RBM15: variants seen among roughly 807,000 people sequenced by gnomAD.
RBM15 encodes the protein RNA-binding protein 15.
A neutral mutation model predicts 62.6 loss-of-function variants in RBM15; 8 were observed. The ratio of observed to expected loss-of-function variants is 0.13; its 90% confidence interval spans 0.07 to 0.23. RBM15 has a LOEUF of 0.23. Among genes scored for constraint, RBM15 ranks in the 10% least tolerant of loss-of-function variants. RBM15 has a pLI of 1.00. For synonymous variants in RBM15, 606 were observed against 505.7 expected (o/e 1.20, Z -2.66); for missense variants, 1,144 against 1,286.5 (o/e 0.89, Z 1.69).
At chr1:110,346,286 T>C in intron 2 of RBM15, 22 bp from the exon 3 acceptor site, 8 of 1,582,084 alleles carry the variant, frequency 5.1e-6, no homozygotes, top group Admixed American at 1.7e-5. Flanking sequence ...CTGAATAACC[T>C]TTTTTTCCCC....
chr1:110,339,769 C>T lies in RBM15; in HGVS notation c.364C>T (p.Arg122Cys), dbSNP rs1418439605. The stretch of plus-strand genomic sequence containing the variant: ...TACCGGTGGGGGCAGCTCCAGTAGC[C>T]GCTTGCATAGTTATAGCTCCCCGAG... Reference protein sequence around the residue: ...YDTGGGSSSSRLHSYSSPSTK... With the variant: ...YDTGGGSSSSCLHSYSSPSTK... The change falls in exon 1 of 3, where the codon CGC (arginine) becomes TGC (cysteine). Residue 122 changes from arginine to cysteine, a missense_variant. Around this residue, in one of 8 missense-constraint regions of RBM15, gnomAD observed 298 missense variants for 250.0 expected, o/e 1.19. Transcript: ENST00000369784. The T allele has an allele frequency of 1.2e-6, 2 of 1,610,048 alleles. No individual in the cohort carries two copies. The highest frequency in any genetic ancestry group is 1.1e-5 in the South Asian group (1 of 90,988).
Position 110,342,117 on chromosome 1 carries a change from C to A in RBM15, c.2712C>A (p.Ile904=), listed in dbSNP as rs200033561. 1 of 1,614,146 alleles carries A rather than the reference C, an allele frequency of 6.2e-7. No individual in the cohort carries two copies. The highest frequency in any genetic ancestry group is 2.2e-5 in the East Asian group (1 of 44,886). ...YLKQKQAAGV[I]SLPVGGNKDK... Reference sequence around the variant, plus strand: ...AGCAAAAGCAGGCAGCCGGGGTGATCAGCCTCCCTGTGGGGGGCAACAAAG... The same window carrying A: ...AGCAAAAGCAGGCAGCCGGGGTGATAAGCCTCCCTGTGGGGGGCAACAAAG... The change falls in exon 1 of 3, where the codon ATC becomes ATA. Residue 904 remains isoleucine (I), a synonymous_variant. Coordinates refer to ENST00000369784, the MANE Select transcript of RBM15 (RefSeq NM_022768.5).
chr1:110,340,450 G>C lies in RBM15; in HGVS notation c.1045G>C (p.Val349Leu). 1.2e-6 allele frequency: 2 copies of C among 1,614,224 alleles called. No individual in the cohort carries two copies. Among genetic ancestry groups the C allele is most frequent in the Non-Finnish European group, 1.7e-6 (2 of 1,180,046 alleles). Residue 349 changes from valine to leucine, a missense_variant, in exon 1 of 3, where the codon GTG (valine) becomes CTG (leucine). This residue lies in a region of RBM15 where 33 missense variants were observed against 39.6 expected (regional missense o/e 0.83). Transcript: ENST00000369784. The surrounding 1 kb of genome is among the most constrained non-coding windows in gnomAD (Gnocchi z 5.8). ...VRPAYSLEPR[V>L]GAGAGAAPFR... ...CCCTGCATACAGTCTTGAGCCAAGG[G>C]TGGGAGCTGGAGCAGGTGCTGCTCC...
In RBM15 at chr1:110,339,510, C is replaced by T. The variant is rs766526951; in HGVS notation, c.105C>T (p.Arg35=). 3.8e-6 allele frequency: 6 copies of T among 1,597,932 alleles called. 1 individual carries two copies. The South Asian group carries it at 5.6e-5, about 15-fold the overall frequency. The part of the protein sequence containing the change: ...TSAGRRVTQL[R]GDDLRRPATM... Reference sequence around the variant, plus strand: ...CGGGGCGGCGGGTTACTCAGCTCCGCGGAGACGACCTCCGACGACCCGCAA... The same window carrying T: ...CGGGGCGGCGGGTTACTCAGCTCCGTGGAGACGACCTCCGACGACCCGCAA... Residue 35 remains arginine, a synonymous_variant, in exon 1 of 3, where the codon CGC becomes CGT. Transcript: ENST00000369784.
rs746885307 is a variant in RBM15, at chr1:110,339,521, T to C, written c.116T>C (p.Leu39Pro). The C allele has an allele frequency of 1.0e-5, 16 of 1,600,238 alleles. No individual in the cohort carries two copies. Among genetic ancestry groups the C allele is most frequent in the Middle Eastern group, 1.7e-4 (1 of 6,046 alleles). Residue 39 changes from leucine to proline, a missense_variant, in exon 1 of 3, where the codon CTC becomes CCC. By Grantham distance (98) the Leu-to-Pro change is moderately conservative (BLOSUM62 -3). This residue lies in a region of RBM15 where 298 missense variants were observed against 250.0 expected (regional missense o/e 1.19). Coordinates refer to ENST00000369784, the MANE Select transcript of RBM15 (RefSeq NM_022768.5). ...RRVTQLRGDD[L>P]RRPATMKGKE... ...GTTACTCAGCTCCGCGGAGACGACC[T>C]CCGACGACCCGCAACAATGAAGGGA...
At position 110,346,449 on chromosome 1, in the gene RBM15, A is replaced by G; in HGVS notation, c.*182A>G. 8.1e-7 allele frequency: 1 copy of G among 1,230,620 alleles called. No individual in the cohort carries two copies. The highest frequency in any genetic ancestry group is 2.3e-5 in the East Asian group (1 of 43,072). The allele number at this position is 1,230,620 out of a possible 1,614,324, so 76.2% of individuals were successfully genotyped here. On this transcript the variant is annotated 3_prime_UTR_variant, in exon 3 of 3. Transcript: ENST00000369784. ...CTGTTTAGTATTTGTGCATTTTACTAAAATGGCAGCTTAAAGTTGTGTATC... is the reference window on the plus strand; with the variant it reads ...CTGTTTAGTATTTGTGCATTTTACTGAAATGGCAGCTTAAAGTTGTGTATC...
At position 110,341,641 on chromosome 1, in the gene RBM15, G is replaced by A; in HGVS notation, c.2236G>A (p.Glu746Lys). The A allele has an allele frequency of 1.9e-6, 3 of 1,614,148 alleles. No individual in the cohort carries two copies. Among genetic ancestry groups the A allele is most frequent in the Non-Finnish European group, 2.5e-6 (3 of 1,180,024 alleles). ...TGAGGGAAAAAGCCCTCTGAAAAAA[G>A]AAGACCGCTCTGATGGGAGTGCACC... ...PTEGKSPLKK[E>K]DRSDGSAPST... is the part of the protein sequence containing the mutation. Residue 746 changes from glutamate (E) to lysine (K), a missense_variant, in exon 1 of 3, where the codon GAA becomes AAA. Glu to Lys is a moderately conservative substitution (Grantham distance 56). Transcript: ENST00000369784. The surrounding 1 kb of genome is among the most constrained non-coding windows in gnomAD (Gnocchi z 4.5).
Position 110,339,673 on chromosome 1 carries a change from A to T in RBM15, c.268A>T (p.Ser90Cys). ...SNGSSSGKTD[S>C]GGGSRRSLHL... ...TGGGAGCAGCAGCGGAAAGACCGAT[A>T]GCGGCGGTGGGTCGCGGCGGAGTCT... The change falls in exon 1 of 3, where the codon AGC (serine) becomes TGC (cysteine). Residue 90 changes from serine to cysteine, a missense_variant. Physicochemically the swap from Ser to Cys is moderately radical, Grantham distance 112. Transcript: ENST00000369784. The T allele has an allele frequency of 1.2e-6, 2 of 1,613,110 alleles. No individual in the cohort carries two copies. Among genetic ancestry groups the T allele is most frequent in the African/African-American group, 1.3e-5 (1 of 75,042 alleles).
intron 2 of RBM15, 42 bp downstream of exon 2, chr1:110,345,691 T>C (rs536529933): frequency 8.1e-7 from 1 of 1,237,966 alleles, no homozygotes; most frequent in South Asian, 1.4e-5. Flanking sequence ...GAGTTTTATA[T>C]GTATGGTTTA....
At chr1:110,344,832 G>A (rs1177912641) in intron 1 of RBM15, among the ~76,000 whole-genome samples, 1 of 151,986 alleles carries the variant, frequency 6.6e-6, no homozygotes, top group Non-Finnish European at 1.5e-5. Flanking sequence ...TTATTTTAAT[G>A]TAGTTGATTT....
chr1:110,344,862 T>C (rs1015300288), intron 1 of RBM15, among the ~76,000 whole-genome samples: 2 of 152,192 alleles, frequency 1.3e-5, no homozygotes, highest in African/African-American at 4.8e-5. Flanking sequence ...TCAGTTAAAA[T>C]GAATGGAAAG....
chr1:110,340,248 G>T lies in RBM15; in HGVS notation c.843G>T (p.Arg281=). The stretch of plus-strand genomic sequence containing the variant: ...TCGGGGCCTCTGTAGGTGGTCACCG[G>T]CACCCCCCTGGAGGTGGTGGAGGCC... The part of the protein sequence containing the change: ...SVVGASVGGH[R]HPPGGGGGQR... Residue 281 remains arginine, a synonymous_variant, in exon 1 of 3, where the codon CGG becomes CGT. Coordinates refer to ENST00000369784, the MANE Select transcript of RBM15 (RefSeq NM_022768.5). This position sits in a 1 kb window ranked among gnomAD's most constrained non-coding sequence, Gnocchi z 5.8. 6.2e-7 allele frequency: 1 copy of T among 1,614,206 alleles called. No homozygotes were observed. The highest frequency in any genetic ancestry group is 8.5e-7 in the Non-Finnish European group (1 of 1,180,042).
At position 110,342,171 on chromosome 1, in the gene RBM15, C is replaced by T. The variant is rs776722641; in HGVS notation, c.2766C>T (p.Ala922=). ...AGGAAAACACCGGGGTCCTTCATGCCTTCCCACCTTGTGAGTTCTCCCAGC... is the reference window on the plus strand; with the variant it reads ...AGGAAAACACCGGGGTCCTTCATGCTTTCCCACCTTGTGAGTTCTCCCAGC... The part of the protein sequence containing the change: ...KDKENTGVLH[A]FPPCEFSQQF... Residue 922 remains alanine, a synonymous_variant, in exon 1 of 3, where the codon GCC becomes GCT. Transcript: ENST00000369784. 20 of 1,614,002 alleles carry T rather than the reference C, an allele frequency of 1.2e-5. No individual in the cohort carries two copies. Among genetic ancestry groups the T allele is most frequent in the East Asian group, 6.7e-5 (3 of 44,898 alleles).
chr1:110,344,291 T>C (rs1331598895), intron 1 of RBM15, among the ~76,000 whole-genome samples: 2 of 152,218 alleles, frequency 1.3e-5, no homozygotes, highest in African/African-American at 4.8e-5. Flanking sequence ...ATATCTTTTG[T>C]TGAGATAGTT....
At chr1:110,345,061 A>C (rs897576812) in intron 1 of RBM15, among the ~76,000 whole-genome samples, 3 of 152,156 alleles carry the variant, frequency 2.0e-5, no homozygotes, top group African/African-American at 7.2e-5. Flanking sequence ...CAAAGTTTTA[A>C]ATTTCTGGTG....
In RBM15 at chr1:110,340,643, C is replaced by T; in HGVS notation, c.1238C>T (p.Thr413Ile). 6.2e-7 allele frequency: 1 copy of T among 1,614,226 alleles called. No individual in the cohort carries two copies. Among genetic ancestry groups the T allele is most frequent in the Non-Finnish European group, 8.5e-7 (1 of 1,180,026 alleles). The change falls in exon 1 of 3, where the codon ACT becomes ATT. Residue 413 changes from threonine to isoleucine, a missense_variant. Physicochemically the swap from Thr to Ile is moderately conservative, Grantham distance 89. Coordinates refer to ENST00000369784, the MANE Select transcript of RBM15 (RefSeq NM_022768.5). The surrounding 1 kb of genome is among the most constrained non-coding windows in gnomAD (Gnocchi z 5.8). The stretch of plus-strand genomic sequence containing the variant: ...ATCAAGAGGCCTTCTCGCGGCCAGA[C>T]TAGTACTTACGGCTTTCTCAAATTT... ...VDIKRPSRGQ[T>I]STYGFLKFEN...
chr1:110,339,669 C>A lies in RBM15; in HGVS notation c.264C>A (p.Thr88=), dbSNP rs560242583. 1 of 1,612,968 alleles carries A rather than the reference C, an allele frequency of 6.2e-7. No individual in the cohort carries two copies. The highest frequency in any genetic ancestry group is 1.7e-5 in the Admixed American group (1 of 59,998). The stretch of plus-strand genomic sequence containing the variant: ...GCAATGGGAGCAGCAGCGGAAAGAC[C>A]GATAGCGGCGGTGGGTCGCGGCGGA... ...GGSNGSSSGK[T]DSGGGSRRSL... The change falls in exon 1 of 3, where the codon ACC becomes ACA. Residue 88 remains threonine (T), a synonymous_variant. Coordinates refer to ENST00000369784, the MANE Select transcript of RBM15 (RefSeq NM_022768.5).
rs1660787068 is a variant in RBM15 at position 110,341,179 on chromosome 1, C to G, written c.1774C>G (p.Pro592Ala). The G allele has an allele frequency of 4.3e-6, 7 of 1,613,968 alleles. No homozygotes were observed. Among genetic ancestry groups the G allele is most frequent in the Non-Finnish European group, 5.9e-6 (7 of 1,179,990 alleles). ...CTCTGATTGGGTGCCACCCCCACCC[C>G]CAGTCCGAGAACGCAGCACTCGGAC... ...PDSDWVPPPP[P>A]VRERSTRTAA... Residue 592 changes from proline to alanine, a missense_variant, in exon 1 of 3, where the codon CCA becomes GCA. Coordinates refer to ENST00000369784, the MANE Select transcript of RBM15 (RefSeq NM_022768.5). This position sits in a 1 kb window ranked among gnomAD's most constrained non-coding sequence, Gnocchi z 4.5.
At position 110,341,761 on chromosome 1, in the gene RBM15, T is replaced by G; in HGVS notation, c.2356T>G (p.Leu786Val). Residue 786 changes from leucine (L) to valine (V), a missense_variant, in exon 1 of 3, where the codon TTG becomes GTG. Physicochemically the swap from Leu to Val is conservative, Grantham distance 32. Transcript: ENST00000369784. This position sits in a 1 kb window ranked among gnomAD's most constrained non-coding sequence, Gnocchi z 4.5. ...PVASASPKLC[L>V]AWQGMLLLKN... ...GGCATCAGCCTCTCCCAAACTCTGTTTGGCCTGGCAGGGCATGCTTCTACT... is the reference window on the plus strand; with the variant it reads ...GGCATCAGCCTCTCCCAAACTCTGTGTGGCCTGGCAGGGCATGCTTCTACT... 1 of 1,614,154 alleles carries G rather than the reference T, an allele frequency of 6.2e-7. No homozygotes were observed. The highest frequency in any genetic ancestry group is 8.5e-7 in the Non-Finnish European group (1 of 1,180,026).
Sources: allele counts gnomAD v4.1 joint callset (sites outside exome capture counted in the v4.1 genomes callset), GRCh38; gene constraint gnomAD v4.1.1; regional missense constraint gnomAD v4.1.1; non-coding constraint Gnocchi (gnomAD v3.1); transcripts MANE v1.5; gene names NCBI Gene and HGNC (gene_info 2026-07-23, HGNC 2026-07-21).